Variants in TRAK1 observed in about 807,000 individuals in gnomAD.
TRAK1 encodes the protein trafficking kinesin-binding protein 1.
TRAK1 carries 33 observed loss-of-function variants against 92.1 expected under a neutral mutation model. That is an observed-to-expected ratio of 0.36 (90% CI 0.27 to 0.48). TRAK1 has a LOEUF of 0.48. Among genes scored for constraint, TRAK1 ranks in the 20% least tolerant of loss-of-function variants. The pLI is 0.99. For missense variants in TRAK1, 1,123 were observed against 1,257.9 expected, an observed-to-expected ratio of 0.89 and a Z score of 1.62; for synonymous variants, 521 against 517.3, an observed-to-expected ratio of 1.01 and a Z score of -0.10.
intron 2 of TRAK1, among the ~76,000 whole-genome samples, chr3:42,130,454 C>G (rs975136194): frequency 2.6e-5 from 4 of 152,118 alleles, no homozygotes; most frequent in African/African-American, 7.2e-5. Context: ...CCATCGTTTG[C>G]TTTTACTGTA....
At chr3:42,095,471 G>A (rs1428186236) in intron 1 of TRAK1, among the ~76,000 whole-genome samples, 1 of 152,126 alleles carries the variant, frequency 6.6e-6, no homozygotes, top group Admixed American at 6.5e-5. Context: ...AAACTTGAAA[G>A]TGTACCAAAA....
chr3:42,075,340 C>CAAAA (rs60881113), intron 1 of TRAK1, among the ~76,000 whole-genome samples: 8 of 71,080 alleles, frequency 1.1e-4, no homozygotes, highest in African/African-American at 2.3e-4. Context: ...GACTCAGTCT[C>CAAAA]AAAAAAAAAA....
chr3:42,102,782 T>A (rs1706976524), intron 1 of TRAK1, among the ~76,000 whole-genome samples: 1 of 152,208 alleles, frequency 6.6e-6, no homozygotes, highest in Non-Finnish European at 1.5e-5. Flanking sequence ...AATTTTTCAC[T>A]GCTGGCATGT....
At chr3:42,108,519 C>G (rs1576391469) in intron 1 of TRAK1, among the ~76,000 whole-genome samples, 1 of 139,532 alleles carries the variant, frequency 7.2e-6, no homozygotes, top group Admixed American at 7.2e-5. Flanking sequence ...AAAAAAGATT[C>G]AAACATTCAA....
At position 42,189,030 on chromosome 3, in the gene TRAK1, A is replaced by G. The variant is rs1260235379; in HGVS notation, c.596A>G (p.Glu199Gly). The change falls in exon 6 of 16, where the codon GAG becomes GGG. Residue 199 changes from glutamate (E) to glycine (G), a missense_variant. Physicochemically the swap from Glu to Gly is moderately conservative, Grantham distance 98 (BLOSUM62 -2). Coordinates refer to ENST00000327628, the MANE Select transcript of TRAK1 (RefSeq NM_001042646.3). ...SVCSTPLKRN[E>G]SSSSVQNYFH... ...TTCTCCCCCAGGTTGAAGAGGAATGAGTCGTCCTCCTCAGTCCAGAATTAC... is the reference window on the plus strand; with the variant it reads ...TTCTCCCCCAGGTTGAAGAGGAATGGGTCGTCCTCCTCAGTCCAGAATTAC... The G allele has an allele frequency of 3.7e-6, 6 of 1,613,440 alleles. No individual in the cohort carries two copies. The Admixed American group carries it at 1.0e-4, about 27-fold the overall frequency.
intron 8 of TRAK1, 96 bp downstream of exon 8, chr3:42,193,301 A>G: frequency 2.0e-6 from 3 of 1,513,204 alleles, no homozygotes; most frequent in Non-Finnish European, 2.7e-6. Flanking sequence ...TTAGTTTCAT[A>G]TCTTAGCAGT....
chr3:42,046,222 G>T (rs889384708), intron 1 of TRAK1, among the ~76,000 whole-genome samples: 2 of 152,038 alleles, frequency 1.3e-5, no homozygotes, highest in Non-Finnish European at 2.9e-5. Flanking sequence ...AACATGGGTA[G>T]CAGATTACCA....
At chr3:42,092,693 G>GTTGTGTTGTA (rs1705238478) in intron 1 of TRAK1, among the ~76,000 whole-genome samples, 2 of 122,656 alleles carry the variant, frequency 1.6e-5, no homozygotes, top group Non-Finnish European at 3.6e-5. Flanking sequence ...GTTGTGTTGT[G>GTTGTGTTGTA]TTGTGTTGTG....
intron 2 of TRAK1, among the ~76,000 whole-genome samples, chr3:42,173,932 A>C (rs1010374025): frequency 2.6e-5 from 4 of 152,102 alleles, no homozygotes; most frequent in Admixed American, 6.6e-5. Context: ...GCTGTGTGAC[A>C]TTGGGTGAGT....
intron 1 of TRAK1, among the ~76,000 whole-genome samples, chr3:42,018,290 T>A (rs1302312118): frequency 6.6e-6 from 1 of 151,354 alleles, no homozygotes; most frequent in Non-Finnish European, 1.5e-5. Flanking sequence ...AATATTGCTG[T>A]CTGAGTCAAA....
At chr3:42,141,022 G>C (rs182924284) in intron 2 of TRAK1, among the ~76,000 whole-genome samples, 3 of 152,312 alleles carry the variant, frequency 2.0e-5, no homozygotes, top group African/African-American at 7.2e-5. Context: ...GATCACCTGT[G>C]AGGCATGGGG....
chr3:42,110,139 G>T, intron 1 of TRAK1, among the ~76,000 whole-genome samples: 1 of 99,610 alleles, frequency 1.0e-5, no homozygotes, highest in Non-Finnish European at 2.1e-5. Flanking sequence ...TATAAACTTT[G>T]TGTGTGTTGC....
At position 42,224,258 on chromosome 3, in the gene TRAK1, G is replaced by A. The variant is rs935889437; in HGVS notation, c.*521G>A. 1 of 337,056 alleles carries A rather than the reference G, an allele frequency of 3.0e-6. No individual in the cohort carries two copies. Among genetic ancestry groups the A allele is most frequent in the Non-Finnish European group, 5.7e-6 (1 of 175,030 alleles). The allele number at this position is 337,056 out of a possible 1,614,324, so 20.9% of individuals were successfully genotyped here. Reference sequence around the variant, plus strand: ...TGCAGCTGACGTGGCTTTCCTGATCGGAGGGCTTTTCTTTTATGGGTGGCC... The same window carrying A: ...TGCAGCTGACGTGGCTTTCCTGATCAGAGGGCTTTTCTTTTATGGGTGGCC... On this transcript the variant is annotated 3_prime_UTR_variant, in exon 16 of 16. Transcript: ENST00000327628.
At chr3:42,122,758 C>T (rs78762583) in intron 1 of TRAK1, among the ~76,000 whole-genome samples, 1 of 152,170 alleles carries the variant, frequency 6.6e-6, no homozygotes, top group African/African-American at 2.4e-5. Flanking sequence ...GAAAAATCTT[C>T]TGCCTTGAGG....
upstream of TRAK1, among the ~76,000 whole-genome samples, chr3:42,089,205 G>A (rs573025225): frequency 4.9e-4 from 74 of 152,202 alleles, no homozygotes; most frequent in Non-Finnish European, 8.2e-4. Context: ...GCCTTTCTGC[G>A]ATTCATACCC....
At chr3:42,138,613 G>A (rs1698245367) in intron 2 of TRAK1, among the ~76,000 whole-genome samples, 1 of 151,832 alleles carries the variant, frequency 6.6e-6, no homozygotes, top group Non-Finnish European at 1.5e-5. Context: ...CTGGCCAGAT[G>A]TGGCGGCTCA....
intron 1 of TRAK1, among the ~76,000 whole-genome samples, chr3:42,019,669 A>G (rs1164936885): frequency 6.6e-6 from 1 of 152,202 alleles, no homozygotes; most frequent in Non-Finnish European, 1.5e-5. Context: ...AATGTAGAAC[A>G]TATATGATAC....
intron 2 of TRAK1, chr3:42,149,339 C>G: frequency 1.4e-6 from 2 of 1,433,494 alleles, no homozygotes; most frequent in Admixed American, 2.8e-5. Flanking sequence ...CCCTCCTTCC[C>G]CCATAGAATT....
intron 3 of TRAK1, among the ~76,000 whole-genome samples, chr3:42,182,468 T>A (rs2149385857): frequency 6.6e-6 from 1 of 152,244 alleles, no homozygotes; most frequent in East Asian, 1.9e-4. Flanking sequence ...AATTTTTGTA[T>A]TTTTAGCAGA....
Sources: allele counts gnomAD v4.1 joint callset (sites outside exome capture counted in the v4.1 genomes callset), GRCh38; gene constraint gnomAD v4.1.1; transcripts MANE v1.5; gene names NCBI Gene and HGNC (gene_info 2026-07-23, HGNC 2026-07-21).